The following GALNT2 variants were observed in gnomAD, a reference collection of about 807,000 sequenced individuals.
The protein encoded by GALNT2 is polypeptide N-acetylgalactosaminyltransferase 2.
A neutral mutation model predicts 81.4 loss-of-function variants in GALNT2; 31 were observed. The ratio of observed to expected loss-of-function variants is 0.38; its 90% CI spans 0.29 to 0.51. GALNT2 has a LOEUF of 0.51. GALNT2 is among the 20% of genes least tolerant of loss of function. The pLI, the probability that GALNT2 is intolerant of heterozygous loss-of-function variation, is 0.87. For synonymous variants in GALNT2, 303 were observed against 287.4 expected, an observed-to-expected ratio of 1.05 and a Z score of -0.55; for missense variants, 629 against 765.7, an observed-to-expected ratio of 0.82 and a Z score of 2.11.
chr1:230,226,748 CCATCT>C (rs1391037109), intron 3 of GALNT2, among the ~76,000 whole-genome samples: 9 of 152,236 alleles, frequency 5.9e-5, no homozygotes, highest in African/African-American at 2.2e-4. Flanking sequence ...TTTCACTCAC[CCATCT>C]CATGGTTGAG....
intron 1 of GALNT2, among the ~76,000 whole-genome samples, chr1:230,108,634 A>G (rs577084317): frequency 6.6e-6 from 1 of 152,350 alleles, no homozygotes; most frequent in South Asian, 2.1e-4. Context: ...TGCATTTGAT[A>G]TACCTAAGCT....
At position 230,279,042 on chromosome 1, in the gene GALNT2, A is replaced by G. The variant is rs539496209; in HGVS notation, c.1561-261A>G. 3.3e-5 allele frequency among the ~76,000 whole-genome samples: 5 copies of G among 152,298 alleles called. No homozygotes were observed. The highest frequency in any genetic ancestry group is 4.1e-4 in the South Asian group (2 of 4,826). ...AGCTCTGGGGCTCAGAGGAGGGGACACCCACAGAAAGTTTGGGGCAGGAGA... is the reference window on the plus strand; with the variant it reads ...AGCTCTGGGGCTCAGAGGAGGGGACGCCCACAGAAAGTTTGGGGCAGGAGA... On this transcript the variant is annotated intron_variant, in intron 15 of 15. Transcript: ENST00000366672. This position sits in a 1 kb window ranked among gnomAD's most constrained non-coding sequence, Gnocchi z 4.6.
chr1:230,130,832 G>A (rs2102812795), intron 1 of GALNT2, among the ~76,000 whole-genome samples: 2 of 152,288 alleles, frequency 1.3e-5, no homozygotes, highest in Middle Eastern at 6.8e-3. Context: ...GCTGCAAACT[G>A]GGTCGGGATG....
chr1:230,082,997 A>G (rs962775610), intron 1 of GALNT2, among the ~76,000 whole-genome samples: 4 of 147,858 alleles, frequency 2.7e-5, no homozygotes, highest in African/African-American at 1.0e-4. Flanking sequence ...ATGAAACAGC[A>G]GGGAGCTGGA....
chr1:230,281,662 TG>T lies in GALNT2; in HGVS notation c.*2209del. 6.6e-6 allele frequency: 1 copy of T among 152,476 alleles called. No homozygotes were observed. The allele number at this position is 152,476 out of a possible 1,614,324, so 9.4% of individuals were successfully genotyped here. On this transcript the variant is annotated 3_prime_UTR_variant, in exon 16 of 16. Transcript: ENST00000366672. ...CCAGACCCTTGTGCGGCCCATGCCC[TG>T]GGGGCGGCGTCCTGTCCCTGAGCTG...
In GALNT2 at chr1:230,279,346, G is replaced by A. The variant is rs1407202003; in HGVS notation, c.1604G>A (p.Gly535Asp). ...IEGNSKLRHV[G>D]SNLCLDSRTA... ...GGCAACTCCAAGCTGAGGCACGTGG[G>A]CAGCAACCTGTGCCTGGACAGTCGC... Residue 535 changes from glycine to aspartate, a missense_variant, in exon 16 of 16, where the codon GGC (glycine) becomes GAC (aspartate). Physicochemically the swap from Gly to Asp is moderately conservative, Grantham distance 94 (BLOSUM62 -1). Transcript: ENST00000366672. This position sits in a 1 kb window ranked among gnomAD's most constrained non-coding sequence, Gnocchi z 4.6. The A allele has an allele frequency of 1.2e-6, 2 of 1,614,042 alleles. No homozygotes were observed. The highest frequency in any genetic ancestry group is 2.7e-5 in the African/African-American group (2 of 74,920).
intron 1 of GALNT2, among the ~76,000 whole-genome samples, chr1:230,086,713 C>T (rs1380760627): frequency 6.6e-6 from 1 of 152,152 alleles, no homozygotes; most frequent in African/African-American, 2.4e-5. Flanking sequence ...GGTTGGATCT[C>T]TTAGAGCAAT....
At chr1:230,141,722 G>A (rs770551295) in intron 1 of GALNT2, among the ~76,000 whole-genome samples, 25 of 150,692 alleles carry the variant, frequency 1.7e-4, no homozygotes, top group Non-Finnish European at 3.5e-4. Context: ...TGGCTATTGT[G>A]AATAGTGCTG....
intron 3 of GALNT2, among the ~76,000 whole-genome samples, chr1:230,223,318 T>C (rs1664608131): frequency 6.6e-6 from 1 of 151,874 alleles, no homozygotes; most frequent in Admixed American, 6.6e-5. Flanking sequence ...TTTCACTTAC[T>C]CTTGATACAT....
chr1:230,155,357 G>A (rs1662215979), intron 1 of GALNT2, among the ~76,000 whole-genome samples: 1 of 152,132 alleles, frequency 6.6e-6, no homozygotes, highest in South Asian at 2.1e-4. Context: ...GCTGACCTCC[G>A]GGAGAGACCG....
intron 11 of GALNT2, among the ~76,000 whole-genome samples, chr1:230,260,252 G>A (rs547276673): frequency 1.3e-5 from 2 of 152,146 alleles, no homozygotes; most frequent in African/African-American, 4.8e-5. Flanking sequence ...AGGAGGGCCT[G>A]GACAAAAGTG....
intron 1 of GALNT2, among the ~76,000 whole-genome samples, chr1:230,156,300 G>T (rs1662255548): frequency 6.6e-6 from 1 of 151,794 alleles, no homozygotes; most frequent in Non-Finnish European, 1.5e-5. Context: ...CTGAATCTTG[G>T]GGAGAAAACT....
intron 4 of GALNT2, 112 bp downstream of exon 4, chr1:230,236,224 T>C: frequency 1.5e-6 from 2 of 1,347,856 alleles, no homozygotes; most frequent in South Asian, 2.5e-5. Context: ...TCCTGACTGC[T>C]CAGCACAGGG....
chr1:230,145,057 A>T (rs1174238661), intron 1 of GALNT2, among the ~76,000 whole-genome samples: 21 of 151,976 alleles, frequency 1.4e-4, no homozygotes, highest in Non-Finnish European at 1.5e-5. Flanking sequence ...CCCGATGGCC[A>T]CTCCAGAGCT....
chr1:230,084,908 A>G (rs1659853352), intron 1 of GALNT2, among the ~76,000 whole-genome samples: 2 of 152,134 alleles, frequency 1.3e-5, no homozygotes, highest in South Asian at 2.1e-4. Context: ...GGAGACAAGA[A>G]TGTCTGCTTT....
At chr1:230,216,075 GA>G (rs934063098) in intron 3 of GALNT2, among the ~76,000 whole-genome samples, 2 of 152,126 alleles carry the variant, frequency 1.3e-5, no homozygotes, top group Non-Finnish European at 2.9e-5. Context: ...ATTTCAGAAA[GA>G]AATTAGACCA....
intron 1 of GALNT2, among the ~76,000 whole-genome samples, chr1:230,177,745 A>G (rs1663029253): frequency 6.6e-6 from 1 of 152,174 alleles, no homozygotes. Flanking sequence ...AAATCATTTA[A>G]CACTCTCTGA....
chr1:230,132,712 A>G (rs147547719), intron 1 of GALNT2, among the ~76,000 whole-genome samples: 3 of 152,360 alleles, frequency 2.0e-5, no homozygotes, highest in East Asian at 3.9e-4. Context: ...TAAAACAGCC[A>G]TTTAAAAAAA....
In GALNT2 at chr1:230,246,092, C is replaced by T. The variant is rs575842866; in HGVS notation, c.759C>T (p.Ile253=). Residue 253 remains isoleucine, a synonymous_variant, in exon 8 of 16, where the codon ATC becomes ATT. Coordinates refer to ENST00000366672, the MANE Select transcript of GALNT2 (RefSeq NM_004481.5). The part of the protein sequence containing the change: ...EDRTRVVSPI[I]DVINMDNFQY... ...GGACTCGGGTTGTGTCACCCATCAT[C>T]GATGTCATTAATATGGACAACTTTC... 1.0e-4 allele frequency: 161 copies of T among 1,614,008 alleles called. 3 individuals are homozygous for T. In the South Asian group the frequency reaches 1.7e-3, roughly 17 times the overall value.
Sources: gnomAD v4.1 joint callset for allele counts (sites outside exome capture counted in the v4.1 genomes callset) on GRCh38, gnomAD v4.1.1 for gene constraint, Gnocchi (gnomAD v3.1) non-coding constraint, MANE v1.5 for transcripts, NCBI Gene and HGNC (gene_info 2026-07-23, HGNC 2026-07-21) for gene names.